Variants in DIP2C observed in about 807,000 individuals in gnomAD.
DIP2C encodes disco-interacting protein 2 homolog C.
Under a neutral mutation model 192.4 loss-of-function variants are expected in DIP2C, and 33 were observed. The ratio of observed to expected loss-of-function variants is 0.17; its 90% CI spans 0.13 to 0.23. The LOEUF (loss-of-function observed/expected upper bound fraction) is 0.23. Ranked by LOEUF, DIP2C falls within the 10% of genes least tolerant of loss-of-function variation. The pLI is 1.00. For missense variants in DIP2C, 1,537 were observed against 2,110.1 expected (o/e 0.73, Z 5.32); for synonymous variants, 979 against 864.1 (o/e 1.13, Z -2.33).
intron 1 of DIP2C, among the ~76,000 whole-genome samples, chr10:573,804 C>T (rs1462941715): frequency 6.6e-6 from 1 of 151,946 alleles, no homozygotes; most frequent in East Asian, 1.9e-4. Flanking sequence ...AGAAAGAAAC[C>T]ATTAACACGT....
chr10:298,386 C>G (rs1019756452), intron 32 of DIP2C, among the ~76,000 whole-genome samples: 2 of 152,176 alleles, frequency 1.3e-5, no homozygotes, highest in African/African-American at 4.8e-5. Context: ...CATATCAAAG[C>G]CCCCCTGCTC....
intron 1 of DIP2C, among the ~76,000 whole-genome samples, chr10:523,527 A>AC (rs1467971332): frequency 2.4e-5 from 1 of 41,376 alleles, no homozygotes; most frequent in African/African-American, 7.2e-5. Context: ...TTTCTACCTG[A>AC]GCAAAGGACC....
At chr10:593,498 C>CG (rs1232560212) in intron 1 of DIP2C, among the ~76,000 whole-genome samples, 1 of 118,900 alleles carries the variant, frequency 8.4e-6, no homozygotes, top group African/African-American at 3.0e-5. Context: ...CCCCCCCCCC[C>CG]ACCCTTTCTG....
intron 36 of DIP2C, among the ~76,000 whole-genome samples, chr10:279,194 C>T (rs12357593): frequency 0.26 from 39,657 of 151,942 alleles, 6,441 homozygotes; most frequent in Non-Finnish European, 0.37. Context: ...GACGTGCTGG[C>T]GCTTAATTCC....
intron 1 of DIP2C, among the ~76,000 whole-genome samples, chr10:500,231 A>G (rs2133641316): frequency 6.6e-6 from 1 of 152,368 alleles, no homozygotes; most frequent in South Asian, 2.1e-4. Context: ...AGGTGGGTTC[A>G]GAGCCAACCC....
chr10:637,470 A>AG (rs1350939403), intron 1 of DIP2C, among the ~76,000 whole-genome samples: 1 of 152,212 alleles, frequency 6.6e-6, no homozygotes, highest in Non-Finnish European at 1.5e-5. Flanking sequence ...TTGTCTGGTG[A>AG]GGGCTTCCTG....
intron 1 of DIP2C, among the ~76,000 whole-genome samples, chr10:519,341 C>A (rs1214865404): frequency 6.6e-6 from 1 of 152,238 alleles, no homozygotes; most frequent in Non-Finnish European, 1.5e-5. Flanking sequence ...AGAGAAAGAC[C>A]CCCGGGGGCT....
rs763514325 is a variant in DIP2C at position 440,932 on chromosome 10, A to G, written c.333T>C (p.Pro111=). ...CCAGGGACCTGCGTTTGGAAGGCAT[A>G]GGCACTGCCATCTTCCGCTCTTTGT... ...AKHKERKMAV[P]MPSKRRSLVV... The change falls in exon 4 of 37, where the codon CCT becomes CCC. Residue 111 remains proline (P), a synonymous_variant. Coordinates refer to ENST00000280886, the MANE Select transcript of DIP2C (RefSeq NM_014974.3). 1.0e-4 allele frequency: 169 copies of G among 1,613,886 alleles called. No individual in the cohort carries two copies. The highest frequency in any genetic ancestry group is 2.5e-4 in the South Asian group (23 of 91,084).
intron 1 of DIP2C, among the ~76,000 whole-genome samples, chr10:545,911 T>C (rs1223145270): frequency 6.6e-6 from 1 of 152,314 alleles, no homozygotes; most frequent in East Asian, 1.9e-4. Context: ...CAATTTGTTG[T>C]CGGTTTAAGC....
At chr10:297,156 T>C (rs527307124) in intron 32 of DIP2C, among the ~76,000 whole-genome samples, 1 of 151,538 alleles carries the variant, frequency 6.6e-6, no homozygotes, top group Non-Finnish European at 1.5e-5. Flanking sequence ...ATCATGCCAC[T>C]GCACTCCAGC....
intron 17 of DIP2C, among the ~76,000 whole-genome samples, chr10:370,514 C>G (rs1960834526): frequency 6.6e-6 from 1 of 152,236 alleles, no homozygotes; most frequent in South Asian, 2.1e-4. Context: ...CCTGTGCGAC[C>G]TCCTCCCTCA....
intron 1 of DIP2C, among the ~76,000 whole-genome samples, chr10:572,951 CTCCCTGAATA>C (rs1018237870): frequency 1.3e-5 from 2 of 152,166 alleles, no homozygotes; most frequent in African/African-American, 2.4e-5. Flanking sequence ...GATGTCCCCG[CTCCCTGAATA>C]TCCTACAAAG....
chr10:670,470 G>A (rs1830579794), intron 1 of DIP2C, among the ~76,000 whole-genome samples: 1 of 152,248 alleles, frequency 6.6e-6, no homozygotes, highest in Non-Finnish European at 1.5e-5. Context: ...AGGGTAGGGT[G>A]TCAACAAGTG....
intron 4 of DIP2C, among the ~76,000 whole-genome samples, chr10:424,852 GATA>G (rs1966468740): frequency 6.6e-6 from 1 of 152,162 alleles, no homozygotes; most frequent in African/African-American, 2.4e-5. Flanking sequence ...AAACCTGAAG[GATA>G]ATATGATATA....
Position 689,472 on chromosome 10 carries a change from C to A in DIP2C, c.85+22G>T. The A allele has an allele frequency of 8.5e-7, 1 of 1,171,058 alleles. No homozygotes were observed. Among genetic ancestry groups the A allele is most frequent in the South Asian group, 2.1e-5 (1 of 48,712 alleles). 72.5% of individuals were successfully genotyped at this position (1,171,058 alleles called of 1,614,324 possible). ...CCTCCCCGGTGACAGCGCGGCCCGG[C>A]CCGGGGCGGGGGCCCGGTTACCTTC... On this transcript the variant is annotated intron_variant, in intron 1 of 36. Transcript: ENST00000280886. The surrounding 1 kb of genome is among the most constrained non-coding windows in gnomAD (Gnocchi z 6.1).
intron 3 of DIP2C, among the ~76,000 whole-genome samples, chr10:463,560 T>C (rs1055063063): frequency 3.3e-5 from 5 of 152,156 alleles, no homozygotes; most frequent in African/African-American, 9.7e-5. Context: ...AAAATGGCCA[T>C]ATTGCCCAAA....
chr10:433,075 G>C (rs577873830), intron 4 of DIP2C, among the ~76,000 whole-genome samples: 9 of 152,136 alleles, frequency 5.9e-5, no homozygotes, highest in Non-Finnish European at 1.3e-4. Context: ...TCTGTTGTTG[G>C]AGGAAATAGT....
intron 1 of DIP2C, chr10:664,543 C>A (rs1218806285): frequency 6.6e-6 from 1 of 152,124 alleles, no homozygotes; most frequent in East Asian, 1.9e-4. Context: ...CACATAAGCC[C>A]AGTTATACAC....
chr10:338,713 G>A lies in DIP2C; in HGVS notation c.3584+2486C>T, dbSNP rs567597642. Among the ~76,000 whole-genome samples the A allele has an allele frequency of 7.7e-4, 117 of 152,208 alleles. 1 individual carries two copies. Among genetic ancestry groups the A allele is most frequent in the Admixed American group, 1.8e-3 (28 of 15,292 alleles). On this transcript the variant is annotated intron_variant, in intron 29 of 36. Coordinates refer to ENST00000280886, the MANE Select transcript of DIP2C (RefSeq NM_014974.3). The stretch of plus-strand genomic sequence containing the variant: ...TCCCCACACGGAGCCGATCTCCCTC[G>A]GCTGCTGCCGATTCTTAGAACAAGC...
Sources: allele counts gnomAD v4.1 joint callset (sites outside exome capture counted in the v4.1 genomes callset), GRCh38; gene constraint gnomAD v4.1.1; non-coding constraint Gnocchi (gnomAD v3.1); transcripts MANE v1.5; gene names NCBI Gene and HGNC (gene_info 2026-07-23, HGNC 2026-07-21).